Variants in CHST11 observed in about 807,000 individuals in gnomAD.
CHST11 encodes C4S-1.
A neutral mutation model predicts 30.4 loss-of-function variants in CHST11; 9 were observed. That is an observed-to-expected ratio of 0.30 (90% CI 0.18 to 0.52). The LOEUF (loss-of-function observed/expected upper bound fraction) is 0.52. CHST11 is among the 20% of genes least tolerant of loss of function. CHST11 has a pLI of 0.97. For synonymous variants in CHST11, 152 were observed against 187.8 expected (o/e 0.81, Z 1.56); for missense variants, 348 against 460.6 (o/e 0.76, Z 2.24).
intron 1 of CHST11, chr12:104,591,665 G>A (rs61938575): frequency 0.28 from 42,696 of 150,930 alleles, 6,207 homozygotes; most frequent in African/African-American, 0.34. Flanking sequence ...AGGTCCCACA[G>A]CAGGGCTGGA....
chr12:104,638,837 T>C (rs1008174398), intron 2 of CHST11, among the ~76,000 whole-genome samples: 6 of 152,218 alleles, frequency 3.9e-5, no homozygotes, highest in African/African-American at 1.4e-4. Flanking sequence ...CCGCTTTTTT[T>C]CTGCTTCCTA....
intron 1 of CHST11, among the ~76,000 whole-genome samples, chr12:104,478,645 G>T (rs2037588254): frequency 1.3e-5 from 2 of 152,210 alleles, no homozygotes; most frequent in Non-Finnish European, 2.9e-5. Flanking sequence ...GTTAACAGCT[G>T]AGTATTCACG....
intron 1 of CHST11, among the ~76,000 whole-genome samples, chr12:104,506,248 G>C (rs956077842): frequency 1.3e-5 from 2 of 152,204 alleles, no homozygotes; most frequent in African/African-American, 4.8e-5. Flanking sequence ...CCTATTGCAG[G>C]AGTATTTCAG....
chr12:104,682,125 G>C (rs1040312424), intron 2 of CHST11, among the ~76,000 whole-genome samples: 5 of 152,012 alleles, frequency 3.3e-5, no homozygotes, highest in African/African-American at 1.2e-4. Context: ...GAGCCACCGC[G>C]CCTGGCCTGT....
chr12:104,560,233 A>G (rs181087598), intron 1 of CHST11, among the ~76,000 whole-genome samples: 4 of 152,326 alleles, frequency 2.6e-5, no homozygotes, highest in Non-Finnish European at 4.4e-5. Context: ...GACCAGATGC[A>G]CATGAAAGGC....
chr12:104,514,721 C>T (rs1054846513), intron 1 of CHST11, among the ~76,000 whole-genome samples: 1 of 152,094 alleles, frequency 6.6e-6, no homozygotes, highest in African/African-American at 2.4e-5. Context: ...GTACCAGGCT[C>T]TTCTTAACGA....
chr12:104,758,717 T>C lies in CHST11; in HGVS notation c.*914T>C, dbSNP rs1224272767. On this transcript the variant is annotated 3_prime_UTR_variant, in exon 3 of 3. Coordinates refer to ENST00000303694, the MANE Select transcript of CHST11 (RefSeq NM_018413.6). ...CTTGACATGAGGTTTGGACTATTCA[T>C]GAGCAACAGCAGAAGGTCCATGACC... 1.3e-5 allele frequency: 2 copies of C among 152,198 alleles called. No individual in the cohort carries two copies. Among genetic ancestry groups the C allele is most frequent in the African/African-American group, 4.8e-5 (2 of 41,454 alleles). 9.4% of individuals were successfully genotyped at this position (152,198 alleles called of 1,614,324 possible). A position where few individuals can be genotyped will look rare whatever the true frequency, so the allele number is the denominator to read the frequency against.
intron 2 of CHST11, among the ~76,000 whole-genome samples, chr12:104,657,835 C>A (rs1279943991): frequency 6.6e-6 from 1 of 152,158 alleles, no homozygotes; most frequent in Non-Finnish European, 1.5e-5. Flanking sequence ...TAGGGAGAAC[C>A]TTGCTCAATA....
chr12:104,646,620 TAGTTGACTACAGAGGTTGC>T (rs66496909), intron 2 of CHST11, among the ~76,000 whole-genome samples: 24,704 of 151,756 alleles, frequency 0.16, 2,111 homozygotes, highest in African/African-American at 0.18. Context: ...TAGTCCCAGC[TAGTTGACTACAGAGGTTGC>T]AGTGAGCCGA....
chr12:104,719,038 G>A (rs1166701002), intron 2 of CHST11, among the ~76,000 whole-genome samples: 2 of 152,144 alleles, frequency 1.3e-5, no homozygotes. Context: ...TAGGTTGAGG[G>A]TACAGAATGG....
At chr12:104,708,142 A>G (rs7305637) in intron 2 of CHST11, among the ~76,000 whole-genome samples, 2,623 of 152,330 alleles carry the variant, frequency 0.017, 74 homozygotes, top group African/African-American at 0.06. Context: ...AGTGTGGAAC[A>G]CAGCCTCTCT....
intron 1 of CHST11, among the ~76,000 whole-genome samples, chr12:104,467,539 G>A (rs1375460807): frequency 6.6e-6 from 1 of 152,192 alleles, no homozygotes; most frequent in Non-Finnish European, 1.5e-5. Flanking sequence ...TAGATAAGCT[G>A]TATGGGGAGG....
intron 2 of CHST11, among the ~76,000 whole-genome samples, chr12:104,750,091 C>G (rs1348691074): frequency 6.6e-6 from 1 of 151,776 alleles, no homozygotes; most frequent in Non-Finnish European, 1.5e-5. Context: ...TTCCGTGTAG[C>G]TCCATTTTTA....
intron 2 of CHST11, among the ~76,000 whole-genome samples, chr12:104,667,551 G>T (rs989374071): frequency 1.3e-5 from 2 of 152,344 alleles, no homozygotes; most frequent in South Asian, 2.1e-4. Flanking sequence ...GTGGACACAG[G>T]ATGGTTTTAG....
chr12:104,487,834 G>C (rs1314287181), intron 1 of CHST11, among the ~76,000 whole-genome samples: 1 of 151,404 alleles, frequency 6.6e-6, no homozygotes, highest in African/African-American at 2.4e-5. Context: ...TTAAAATACT[G>C]GTACATTTTT....
At chr12:104,709,071 C>G (rs1007103151) in intron 2 of CHST11, among the ~76,000 whole-genome samples, 3 of 152,214 alleles carry the variant, frequency 2.0e-5, no homozygotes, top group Non-Finnish European at 2.9e-5. Flanking sequence ...CACCAAGACC[C>G]GGTTTCGGCT....
intron 1 of CHST11, among the ~76,000 whole-genome samples, chr12:104,499,066 T>C (rs1297414254): frequency 1.3e-5 from 2 of 152,216 alleles, no homozygotes; most frequent in African/African-American, 4.8e-5. Context: ...AATTTAGATC[T>C]CCCTATCTGG....
intron 2 of CHST11, among the ~76,000 whole-genome samples, chr12:104,667,737 G>T (rs1418263164): frequency 1.3e-5 from 2 of 152,196 alleles, no homozygotes; most frequent in Non-Finnish European, 2.9e-5. Context: ...CCTCAGGCTG[G>T]TTGTGAGGAT....
chr12:104,755,317 G>A (rs1265288346), intron 2 of CHST11, among the ~76,000 whole-genome samples: 1 of 152,160 alleles, frequency 6.6e-6, no homozygotes, highest in African/African-American at 2.4e-5. Flanking sequence ...TGGAGGAGGC[G>A]GTGACTCTGG....
Sources: gnomAD v4.1 joint callset for allele counts (sites outside exome capture counted in the v4.1 genomes callset) on GRCh38, gnomAD v4.1.1 for gene constraint, MANE v1.5 for transcripts, NCBI Gene and HGNC (gene_info 2026-07-23, HGNC 2026-07-21) for gene names.